The following PAN3 variants were observed in gnomAD, a reference collection of about 807,000 sequenced individuals.
The protein encoded by PAN3 is poly(A) specific ribonuclease subunit PAN3, also known as PAN2-PAN3 deadenylation complex subunit PAN3.
In PAN3, 19 loss-of-function variants were observed where a neutral mutation model predicts 96.2. That is an observed-to-expected ratio of 0.20 (90% confidence interval 0.14 to 0.29). The LOEUF (loss-of-function observed/expected upper bound fraction) is 0.29. Among genes scored for constraint, PAN3 ranks in the 10% least tolerant of loss-of-function variants. The pLI is 1.00. For missense variants in PAN3, 882 were observed against 1,108.1 expected (o/e 0.80, Z 2.90); for synonymous variants, 433 against 406.6 (o/e 1.06, Z -0.78).
At chr13:28,138,533 C>T (rs1050516778), upstream of PAN3, 1 of 370,716 alleles carries the variant, frequency 2.7e-6, no homozygotes, top group Non-Finnish European at 4.8e-6. Flanking sequence ...GCTCCCGCAG[C>T]GGGACAGACC....
chr13:28,159,996 A>C (rs532424323), intron 1 of PAN3, among the ~76,000 whole-genome samples: 1 of 151,340 alleles, frequency 6.6e-6, no homozygotes, highest in Non-Finnish European at 1.5e-5. Flanking sequence ...AGAGTGCAGT[A>C]GTGTGATCTT....
chr13:28,225,760 AC>A (rs1204164813), intron 6 of PAN3, among the ~76,000 whole-genome samples: 1 of 152,170 alleles, frequency 6.6e-6, no homozygotes, highest in African/African-American at 2.4e-5. Context: ...GGAAAAAAAA[AC>A]TTTCCTATAT....
intron 6 of PAN3, among the ~76,000 whole-genome samples, chr13:28,239,189 GCATGCACACA>G (rs1189742747): frequency 1.7e-5 from 1 of 59,824 alleles, no homozygotes; most frequent in African/African-American, 7.0e-5. Context: ...ACACACACAC[GCATGCACACA>G]CGCACACACA....
rs188264265 is a variant in PAN3, at chr13:28,286,645, A to G, written c.2385-1339A>G. On this transcript the variant is annotated intron_variant, in intron 17 of 18. Transcript: ENST00000380958. ...TTACCTATCTGCCTCTGCATTCCAG[A>G]TGTTCATGATTATCTCTTGTTCACT... Among the ~76,000 whole-genome samples the G allele has an allele frequency of 1.6e-4, 25 of 152,208 alleles. No individual in the cohort carries two copies. The East Asian group carries it at 3.3e-3, about 20-fold the overall frequency.
rs1403704426 is a variant in PAN3, at chr13:28,279,586, T to G, written c.2190-826T>G. ...CATCCTGGCCAACATGGTGAAACCC[T>G]GTCTCTATTAAAAATAGAAAAAAAT... On this transcript the variant is annotated intron_variant, in intron 15 of 18. Coordinates refer to ENST00000380958, the MANE Select transcript of PAN3 (RefSeq NM_175854.8). Among the ~76,000 whole-genome samples the G allele has an allele frequency of 2.0e-5, 3 of 151,884 alleles. No individual in the cohort carries two copies. The East Asian group carries it at 6.0e-4, about 30-fold the overall frequency.
intron 1 of PAN3, among the ~76,000 whole-genome samples, chr13:28,156,976 C>A: frequency 9.7e-6 from 1 of 102,990 alleles, no homozygotes; most frequent in South Asian, 3.3e-4. Flanking sequence ...ACCTGGGCAA[C>A]AGAGTGAGAC....
intron 5 of PAN3, chr13:28,215,588 A>G: frequency 1.2e-6 from 1 of 803,214 alleles, no homozygotes; most frequent in African/African-American, 1.7e-5. Flanking sequence ...ATGCCCTTGT[A>G]CTGAATTGCC....
At chr13:28,255,372 A>G (rs1885054085) in intron 6 of PAN3, among the ~76,000 whole-genome samples, 1 of 152,196 alleles carries the variant, frequency 6.6e-6, no homozygotes, top group East Asian at 1.9e-4. Flanking sequence ...TTATGCATGT[A>G]GTTTGTAGTG....
At chr13:28,164,845 A>G (rs142442556) in intron 1 of PAN3, among the ~76,000 whole-genome samples, 1 of 152,338 alleles carries the variant, frequency 6.6e-6, no homozygotes, top group East Asian at 1.9e-4. Context: ...ATTTTTTTAA[A>G]AAGTAGGTTA....
intron 4 of PAN3, among the ~76,000 whole-genome samples, chr13:28,186,691 A>T (rs570107441): frequency 6.6e-6 from 1 of 152,336 alleles, no homozygotes; most frequent in South Asian, 2.1e-4. Context: ...AAGCCAGTAG[A>T]CATTCTGGCA....
intron 14 of PAN3, among the ~76,000 whole-genome samples, chr13:28,275,168 CTT>C (rs1359345951): frequency 3.3e-5 from 5 of 152,076 alleles, no homozygotes; most frequent in South Asian, 4.2e-4. Flanking sequence ...GTGAAACTCT[CTT>C]AAGATTTTAT....
chr13:28,257,937 AG>A (rs1424967560), intron 7 of PAN3, among the ~76,000 whole-genome samples: 1 of 151,420 alleles, frequency 6.6e-6, no homozygotes, highest in Non-Finnish European at 1.5e-5. Flanking sequence ...CTCAGCCTCT[AG>A]TAGCTGGGAC....
At chr13:28,196,026 GT>G (rs538028701) in intron 4 of PAN3, among the ~76,000 whole-genome samples, 101 of 135,076 alleles carry the variant, frequency 7.5e-4, no homozygotes, top group Non-Finnish European at 9.4e-4. Context: ...GTTTTTTTTT[GT>G]TTTTTTTTTT....
chr13:28,289,333 C>T (rs1420231348), intron 18 of PAN3, among the ~76,000 whole-genome samples: 1 of 152,032 alleles, frequency 6.6e-6, no homozygotes, highest in Admixed American at 6.6e-5. Context: ...ATAGTGCAGT[C>T]GCACTTATGG....
chr13:28,214,268 C>T (rs1428756254), intron 5 of PAN3, among the ~76,000 whole-genome samples: 2 of 152,076 alleles, frequency 1.3e-5, no homozygotes, highest in Non-Finnish European at 2.9e-5. Context: ...GACTTGTGTA[C>T]AAATCTTCAC....
intron 6 of PAN3, chr13:28,239,553 TGA>T: frequency 8.1e-7 from 1 of 1,233,900 alleles, no homozygotes; most frequent in South Asian, 1.3e-5. Context: ...GTAGCTGTTC[TGA>T]TTTTTGTTGG....
At chr13:28,169,907 C>T (rs1874085517) in intron 1 of PAN3, among the ~76,000 whole-genome samples, 1 of 151,830 alleles carries the variant, frequency 6.6e-6, no homozygotes, top group Admixed American at 6.6e-5. Context: ...ATTAGCTGGG[C>T]GTGGTGACGG....
intron 4 of PAN3, among the ~76,000 whole-genome samples, chr13:28,196,537 G>A (rs1256348014): frequency 2.7e-5 from 4 of 149,056 alleles, no homozygotes; most frequent in African/African-American, 9.8e-5. Flanking sequence ...AGACCAATTT[G>A]TGTTACTGTT....
intron 2 of PAN3, among the ~76,000 whole-genome samples, chr13:28,174,659 G>T (rs1027683784): frequency 1.3e-5 from 2 of 152,134 alleles, no homozygotes; most frequent in Admixed American, 6.6e-5. Flanking sequence ...TATTTTGTAT[G>T]TATGTTAGTT....
Sources: allele counts gnomAD v4.1 joint callset (sites outside exome capture counted in the v4.1 genomes callset), GRCh38; gene constraint gnomAD v4.1.1; transcripts MANE v1.5; gene names NCBI Gene and HGNC (gene_info 2026-07-23, HGNC 2026-07-21).